The following MRTFA variants were observed in gnomAD, a reference collection of about 807,000 sequenced individuals.
MRTFA encodes the protein myocardin related transcription factor A.
MRTFA carries 20 observed loss-of-function variants against 83.5 expected under a neutral mutation model. That is an observed-to-expected ratio of 0.24 (90% CI 0.17 to 0.35). The LOEUF (loss-of-function observed/expected upper bound fraction) is 0.35, where lower values mean the gene tolerates loss of function less well. Ranked by LOEUF, MRTFA falls within the 10% of genes least tolerant of loss-of-function variation. The pLI is 1.00. For synonymous variants in MRTFA, 659 were observed against 541.2 expected, an observed-to-expected ratio of 1.22 and a Z score of -3.02; for missense variants, 1,200 against 1,224.7, an observed-to-expected ratio of 0.98 and a Z score of 0.30.
At chr22:40,539,530 G>A (rs1409207731) in intron 3 of MRTFA, among the ~76,000 whole-genome samples, 2 of 138,554 alleles carry the variant, frequency 1.4e-5, no homozygotes, top group Non-Finnish European at 3.2e-5. Context: ...GTTTGAGACA[G>A]TCTTTCTCTG....
chr22:40,499,801 T>C (rs2054424929), intron 3 of MRTFA, among the ~76,000 whole-genome samples: 1 of 152,096 alleles, frequency 6.6e-6, no homozygotes, highest in African/African-American at 2.4e-5. Context: ...AAACTGATTT[T>C]ACTTCAACTT....
chr22:40,489,007 TA>T (rs2054221372), intron 3 of MRTFA, among the ~76,000 whole-genome samples: 1 of 151,930 alleles, frequency 6.6e-6, no homozygotes, highest in African/African-American at 2.4e-5. Context: ...TATAAAATCA[TA>T]AAACACCAAC....
chr22:40,437,579 G>A (rs1232666968), intron 4 of MRTFA, among the ~76,000 whole-genome samples: 1 of 152,052 alleles, frequency 6.6e-6, no homozygotes, highest in Non-Finnish European at 1.5e-5. Flanking sequence ...GGCCAACATG[G>A]TGAAACCCCG....
chr22:40,440,594 T>C (rs551442231), intron 4 of MRTFA, among the ~76,000 whole-genome samples: 1 of 152,308 alleles, frequency 6.6e-6, no homozygotes, highest in East Asian at 1.9e-4. Flanking sequence ...CTGCTGGGTG[T>C]CTCTCAGTTC....
chr22:40,418,261 G>A, intron 12 of MRTFA, 113 bp downstream of exon 12: 1 of 1,502,220 alleles, frequency 6.7e-7, no homozygotes, highest in South Asian at 1.4e-5. Flanking sequence ...AAGATTAAAT[G>A]AAGCAAACAC....
intron 3 of MRTFA, among the ~76,000 whole-genome samples, chr22:40,476,354 C>T: frequency 6.6e-6 from 1 of 152,154 alleles, no homozygotes; most frequent in East Asian, 1.9e-4. Flanking sequence ...GTTTGATTAC[C>T]TCTCTTGCTT....
intron 1 of MRTFA, among the ~76,000 whole-genome samples, chr22:40,626,308 G>C (rs1326445935): frequency 6.6e-6 from 1 of 151,590 alleles, no homozygotes; most frequent in Non-Finnish European, 1.5e-5. Flanking sequence ...TTTTTTTTGA[G>C]ATGAGGTCTG....
chr22:40,636,208 G>A (rs2056696684), intron 1 of MRTFA, among the ~76,000 whole-genome samples: 1 of 152,162 alleles, frequency 6.6e-6, no homozygotes, highest in African/African-American at 2.4e-5. Context: ...GCCCCGCGCA[G>A]CACAGCCCTG....
chr22:40,571,939 A>C (rs1417829636), intron 2 of MRTFA, among the ~76,000 whole-genome samples: 7 of 150,762 alleles, frequency 4.6e-5, no homozygotes, highest in Admixed American at 4.6e-4. Flanking sequence ...AAAAAAAAAA[A>C]AAAAAAAGAA....
intron 4 of MRTFA, among the ~76,000 whole-genome samples, chr22:40,450,495 G>A (rs1048789835): frequency 2.0e-5 from 3 of 151,198 alleles, no homozygotes; most frequent in African/African-American, 4.9e-5. Flanking sequence ...TAACTCTGTC[G>A]CCCAGCCTGG....
chr22:40,486,396 CTAAT>C (rs1170827332), intron 3 of MRTFA, among the ~76,000 whole-genome samples: 3 of 152,208 alleles, frequency 2.0e-5, no homozygotes, highest in Non-Finnish European at 2.9e-5. Context: ...TTCAATGAAT[CTAAT>C]TACTTACTAA....
intron 8 of MRTFA, 137 bp downstream of exon 8, chr22:40,424,069 A>T: frequency 1.0e-6 from 1 of 978,972 alleles, no homozygotes; most frequent in Non-Finnish European, 1.5e-6. Context: ...AGCAGCCAGC[A>T]CCTAAGCAAC....
chr22:40,549,538 T>C (rs1238357083), intron 3 of MRTFA, among the ~76,000 whole-genome samples: 1 of 152,196 alleles, frequency 6.6e-6, no homozygotes, highest in African/African-American at 2.4e-5. Flanking sequence ...AGGATGGTAG[T>C]TTCCTTTGAG....
intron 2 of MRTFA, among the ~76,000 whole-genome samples, chr22:40,590,680 G>GAAAAAAAAA (rs56366993): frequency 1.1e-4 from 9 of 81,356 alleles, no homozygotes; most frequent in Admixed American, 1.4e-4. Context: ...CTCAAAAAAA[G>GAAAAAAAAA]AAAAAAAAAA....
chr22:40,608,838 G>C (rs1379032166), intron 1 of MRTFA, among the ~76,000 whole-genome samples: 2 of 152,160 alleles, frequency 1.3e-5, no homozygotes, highest in South Asian at 4.1e-4. Context: ...ACAGTAATGT[G>C]ATAATAACCA....
At chr22:40,429,585 G>A (rs750338423) in intron 7 of MRTFA, 21 bp downstream of exon 7, 2 of 1,614,066 alleles carry the variant, frequency 1.2e-6, no homozygotes, top group Admixed American at 1.7e-5. Context: ...CTCTCACACA[G>A]GGTGGCTGGG....
In MRTFA at chr22:40,569,759, A is replaced by C. The variant is rs145544083; in HGVS notation, c.-21-17392T>G. ...TACATACATACATACATACATACAT[A>C]CATACATACATACATACATCAAGGG... On this transcript the variant is annotated intron_variant, in intron 2 of 14. Coordinates refer to ENST00000355630, the MANE Select transcript of MRTFA (RefSeq NM_020831.6). 1.2e-3 allele frequency: 177 copies of C among 151,000 alleles called. 1 individual carries two copies. The highest frequency in any genetic ancestry group is 9.0e-3 in the East Asian group (46 of 5,104). 9.4% of individuals were successfully genotyped at this position (151,000 alleles called of 1,614,324 possible).
rs533083942 is a variant in MRTFA at position 40,603,156 on chromosome 22, A to T, written c.-83-8421T>A. On this transcript the variant is annotated intron_variant, in intron 1 of 14. Transcript: ENST00000355630. Reference sequence around the variant, plus strand: ...TGACTTTCCCTCTGGCCGAAGCTCTAAACTGTCTACCTCCCTAGGCTTAGA... The same window carrying T: ...TGACTTTCCCTCTGGCCGAAGCTCTTAACTGTCTACCTCCCTAGGCTTAGA... Among the ~76,000 whole-genome samples the T allele has an allele frequency of 2.0e-5, 3 of 152,308 alleles. No individual in the cohort carries two copies. The South Asian group carries it at 6.2e-4, about 32-fold the overall frequency.
intron 2 of MRTFA, among the ~76,000 whole-genome samples, chr22:40,554,291 G>C (rs1309916660): frequency 6.6e-6 from 1 of 152,062 alleles, no homozygotes; most frequent in Non-Finnish European, 1.5e-5. Flanking sequence ...ATTTGGGAGG[G>C]GCCAGGGGCA....
Sources: allele counts gnomAD v4.1 joint callset (sites outside exome capture counted in the v4.1 genomes callset), GRCh38; gene constraint gnomAD v4.1.1; transcripts MANE v1.5; gene names NCBI Gene and HGNC (gene_info 2026-07-23, HGNC 2026-07-21).